Variants in CDK14 observed in about 807,000 individuals in gnomAD.
The protein encoded by CDK14 is cyclin dependent kinase 14.
A neutral mutation model predicts 60.7 loss-of-function variants in CDK14; 34 were observed. The observed-to-expected ratio is 0.56, with a 90% CI of 0.43 to 0.75. CDK14 has a LOEUF of 0.75. Ranked by LOEUF, CDK14 falls within the 30% of genes least tolerant of loss-of-function variation. The pLI is 0.00. For missense variants in CDK14, 482 were observed against 564.1 expected (o/e 0.85, Z 1.47); for synonymous variants, 197 against 203.7 (o/e 0.97, Z 0.28).
chr7:91,025,723 AACTGCCTGTGC>A (rs1484150096), intron 10 of CDK14, among the ~76,000 whole-genome samples: 5 of 152,342 alleles, frequency 3.3e-5, no homozygotes, highest in African/African-American at 7.2e-5. Context: ...AATCTGAGGC[AACTGCCTGTGC>A]ACTGCCTGTG....
chr7:91,099,296 C>G (rs564346240), intron 12 of CDK14, among the ~76,000 whole-genome samples: 1 of 152,250 alleles, frequency 6.6e-6, no homozygotes, highest in African/African-American at 2.4e-5. Flanking sequence ...TATAACCAAT[C>G]TCTCTGAAAC....
intron 11 of CDK14, among the ~76,000 whole-genome samples, chr7:91,077,869 A>C (rs962765471): frequency 6.6e-6 from 1 of 152,144 alleles, no homozygotes; most frequent in Non-Finnish European, 1.5e-5. Flanking sequence ...CAAGAATCCA[A>C]TATTAAATTT....
intron 2 of CDK14, among the ~76,000 whole-genome samples, chr7:90,684,526 C>T (rs947971634): frequency 2.0e-5 from 3 of 152,148 alleles, no homozygotes; most frequent in Non-Finnish European, 2.9e-5. Context: ...GTAACAGTAA[C>T]ATGTTTCAAA....
At chr7:90,926,648 G>A (rs1793423304) in intron 8 of CDK14, among the ~76,000 whole-genome samples, 1 of 151,980 alleles carries the variant, frequency 6.6e-6, no homozygotes, top group Non-Finnish European at 1.5e-5. Context: ...TTAACTTTTT[G>A]GGTTATTTCC....
At chr7:91,190,793 T>A (rs1802338508) in intron 14 of CDK14, among the ~76,000 whole-genome samples, 1 of 152,102 alleles carries the variant, frequency 6.6e-6, no homozygotes, top group South Asian at 2.1e-4. Context: ...CCCAGCCTAT[T>A]CTTTTCTTTG....
intron 7 of CDK14, among the ~76,000 whole-genome samples, chr7:90,901,532 A>G (rs1026446969): frequency 3.3e-5 from 5 of 152,118 alleles, no homozygotes; most frequent in African/African-American, 9.7e-5. Context: ...ACAACTAGTG[A>G]AATCTTTGAT....
At chr7:91,171,890 AC>A (rs1439047760) in intron 14 of CDK14, among the ~76,000 whole-genome samples, 1 of 152,028 alleles carries the variant, frequency 6.6e-6, no homozygotes, top group Non-Finnish European at 1.5e-5. Context: ...CAAATGATCC[AC>A]CCACCTCGAC....
intron 14 of CDK14, among the ~76,000 whole-genome samples, chr7:91,137,131 G>C (rs191666074): frequency 1.9e-4 from 29 of 152,286 alleles, no homozygotes; most frequent in Non-Finnish European, 3.4e-4. Context: ...AATTGTGCTT[G>C]CTGCTTTCCT....
chr7:90,767,984 T>C (rs563961967), intron 4 of CDK14, among the ~76,000 whole-genome samples: 2 of 152,380 alleles, frequency 1.3e-5, no homozygotes, highest in South Asian at 2.1e-4. Context: ...TTTTAGTCAC[T>C]TCCTTGTACA....
At chr7:90,613,377 C>T in intron 2 of CDK14, among the ~76,000 whole-genome samples, 1 of 152,138 alleles carries the variant, frequency 6.6e-6, no homozygotes, top group Non-Finnish European at 1.5e-5. Context: ...CCCTCCTGGG[C>T]AGTGCTCTGA....
At chr7:91,191,559 A>G (rs1429340750) in intron 14 of CDK14, among the ~76,000 whole-genome samples, 2 of 151,814 alleles carry the variant, frequency 1.3e-5, no homozygotes, top group Non-Finnish European at 2.9e-5. Context: ...GTACATATGT[A>G]TATATACATA....
intron 5 of CDK14, among the ~76,000 whole-genome samples, chr7:90,810,580 C>T (rs553650469): frequency 6.6e-6 from 1 of 152,308 alleles, no homozygotes; most frequent in South Asian, 2.1e-4. Flanking sequence ...GATGCCCTCT[C>T]TCACCACTCC....
intron 5 of CDK14, among the ~76,000 whole-genome samples, chr7:90,794,010 G>A (rs1378019176): frequency 3.9e-5 from 6 of 151,982 alleles, no homozygotes; most frequent in Admixed American, 6.6e-5. Flanking sequence ...CCTAAGTGTC[G>A]GATGGTCTGA....
intron 12 of CDK14, among the ~76,000 whole-genome samples, chr7:91,083,607 A>G (rs1798542068): frequency 6.6e-6 from 1 of 152,192 alleles, no homozygotes. Context: ...TTCAGTTACT[A>G]AAAGCATTAT....
intron 2 of CDK14, among the ~76,000 whole-genome samples, chr7:90,660,468 A>C (rs1800846471): frequency 6.6e-6 from 1 of 152,200 alleles, no homozygotes; most frequent in Admixed American, 6.5e-5. Context: ...TAATATAAAA[A>C]TGCTTAGCTC....
chr7:90,678,344 T>C (rs899794341), intron 2 of CDK14, among the ~76,000 whole-genome samples: 3 of 152,152 alleles, frequency 2.0e-5, no homozygotes, highest in African/African-American at 7.2e-5. Flanking sequence ...GCTGAGACCT[T>C]TCCCAGTCAC....
At chr7:90,672,958 A>G (rs1801127276) in intron 2 of CDK14, among the ~76,000 whole-genome samples, 1 of 152,148 alleles carries the variant, frequency 6.6e-6, no homozygotes, top group African/African-American at 2.4e-5. Context: ...AAATTATTCT[A>G]AGATACTGGA....
chr7:90,919,734 AT>A (rs1294537480), intron 8 of CDK14, among the ~76,000 whole-genome samples: 1 of 152,176 alleles, frequency 6.6e-6, no homozygotes, highest in Non-Finnish European at 1.5e-5. Context: ...AACGGCTTAG[AT>A]TTTTTTCATT....
chr7:91,015,506 C>T (rs1796274319), intron 10 of CDK14, among the ~76,000 whole-genome samples: 2 of 145,616 alleles, frequency 1.4e-5, no homozygotes, highest in African/African-American at 2.5e-5. Context: ...CCTACCCCAG[C>T]AGAGTATGTC....
Sources: allele counts gnomAD v4.1 joint callset (sites outside exome capture counted in the v4.1 genomes callset), GRCh38; gene constraint gnomAD v4.1.1; transcripts MANE v1.5; gene names NCBI Gene and HGNC (gene_info 2026-07-23, HGNC 2026-07-21).